Variants in DPP10 observed in about 807,000 individuals in gnomAD.
DPP10 encodes inactive dipeptidyl peptidase 10.
Under a neutral mutation model 120.9 loss-of-function variants are expected in DPP10, and 33 were observed. That is an observed-to-expected ratio of 0.27 (90% CI 0.21 to 0.37). DPP10 has a LOEUF of 0.37. DPP10 is among the 10% of genes least tolerant of loss of function. The probability of loss-of-function intolerance (pLI) is 1.00; values close to 1 mark genes in which losing one functional copy is unlikely to be tolerated. For missense variants in DPP10, 816 were observed against 942.8 expected, an observed-to-expected ratio of 0.87 and a Z score of 1.76; for synonymous variants, 337 against 326.1, an observed-to-expected ratio of 1.03 and a Z score of -0.36.
intron 1 of DPP10, among the ~76,000 whole-genome samples, chr2:114,563,295 C>T (rs1478330924): frequency 6.6e-6 from 1 of 151,770 alleles, no homozygotes; most frequent in African/African-American, 2.4e-5. Flanking sequence ...TCACTTGAAC[C>T]TGGGAGGCAG....
chr2:114,907,366 C>G (rs1694051331), intron 1 of DPP10, among the ~76,000 whole-genome samples: 1 of 151,650 alleles, frequency 6.6e-6, no homozygotes, highest in African/African-American at 2.4e-5. Context: ...TTCTCTTTTT[C>G]CTGTCTCTTA....
intron 1 of DPP10, among the ~76,000 whole-genome samples, chr2:115,012,749 T>C (rs1194666563): frequency 1.3e-5 from 2 of 152,072 alleles, no homozygotes; most frequent in Non-Finnish European, 1.5e-5. Context: ...TCTGGTAACA[T>C]GACAAAACAA....
intron 1 of DPP10, among the ~76,000 whole-genome samples, chr2:114,830,062 C>T (rs929710536): frequency 2.6e-5 from 4 of 152,256 alleles, no homozygotes; most frequent in Admixed American, 6.5e-5. Context: ...TGGCCGAAAA[C>T]GCCTCCCTCA....
intron 5 of DPP10, among the ~76,000 whole-genome samples, chr2:115,571,024 C>T (rs932318734): frequency 6.6e-6 from 1 of 152,194 alleles, no homozygotes; most frequent in Non-Finnish European, 1.5e-5. Context: ...CAGAGGCAGT[C>T]ACTTGCCTTG....
intron 5 of DPP10, among the ~76,000 whole-genome samples, chr2:115,592,929 T>G (rs2082760837): frequency 6.6e-6 from 1 of 152,200 alleles, no homozygotes; most frequent in Non-Finnish European, 1.5e-5. Context: ...GTGAAATAAA[T>G]ATATTTTTGG....
chr2:114,591,026 C>A (rs999424228), intron 1 of DPP10, among the ~76,000 whole-genome samples: 11 of 152,106 alleles, frequency 7.2e-5, no homozygotes, highest in African/African-American at 2.4e-4. Context: ...TGGGGAAAAT[C>A]AGGAAATAAA....
intron 1 of DPP10, among the ~76,000 whole-genome samples, chr2:114,800,129 T>C (rs1232650663): frequency 2.6e-5 from 4 of 152,194 alleles, no homozygotes; most frequent in Non-Finnish European, 5.9e-5. Flanking sequence ...CCACATGGTA[T>C]GTGGCTATAC....
intron 1 of DPP10, among the ~76,000 whole-genome samples, chr2:114,634,130 C>T (rs761939021): frequency 5.9e-5 from 9 of 151,756 alleles, no homozygotes; most frequent in South Asian, 4.1e-4. Context: ...TCTGCATGGT[C>T]TTATCAATTA....
chr2:115,115,078 C>T (rs912317217), intron 1 of DPP10, among the ~76,000 whole-genome samples: 1 of 151,744 alleles, frequency 6.6e-6, no homozygotes, highest in African/African-American at 2.4e-5. Context: ...TGTGTATGAC[C>T]GATATGTGTG....
At chr2:114,743,579 G>T (rs983338812) in intron 1 of DPP10, among the ~76,000 whole-genome samples, 1 of 152,156 alleles carries the variant, frequency 6.6e-6, no homozygotes, top group Admixed American at 6.5e-5. Context: ...CTGTAAAAGT[G>T]TATCAAGAGC....
intron 1 of DPP10, among the ~76,000 whole-genome samples, chr2:114,836,422 G>A (rs568682155): frequency 2.0e-5 from 3 of 152,070 alleles, no homozygotes; most frequent in South Asian, 2.1e-4. Flanking sequence ...ATCACATTTC[G>A]GGAGGTTCTG....
rs554326612 is a variant in DPP10, at chr2:114,741,784, T to A, written c.60+298946T>A. On this transcript the variant is annotated intron_variant, in intron 1 of 25. Transcript: ENST00000410059. ...ATGGAGGCAGATGCTGGAGTTACGCTGTCACAAGCCACGGGGTGCCCAGGA... is the reference window on the plus strand; with the variant it reads ...ATGGAGGCAGATGCTGGAGTTACGCAGTCACAAGCCACGGGGTGCCCAGGA... 2.0e-5 allele frequency among the ~76,000 whole-genome samples: 3 copies of A among 152,256 alleles called. No individual in the cohort carries two copies. The South Asian group carries it at 6.2e-4, about 32-fold the overall frequency.
chr2:115,034,265 C>G (rs1704065816), intron 1 of DPP10, among the ~76,000 whole-genome samples: 1 of 152,052 alleles, frequency 6.6e-6, no homozygotes, highest in Non-Finnish European at 1.5e-5. Flanking sequence ...TATGTCAGTT[C>G]ATTTATTTTT....
rs193204944 is a variant in DPP10 at position 114,774,691 on chromosome 2, T to A, written c.60+331853T>A. ...TATATATATATATATACTCTATAGT[T>A]ACACTGGGATGAGCATTAATGGATT... On this transcript the variant is annotated intron_variant, in intron 1 of 25. Transcript: ENST00000410059. Among the ~76,000 whole-genome samples, 16 of 150,886 alleles carry A rather than the reference T, an allele frequency of 1.1e-4. No homozygotes were observed. The East Asian group carries it at 1.6e-3, about 15-fold the overall frequency.
intron 2 of DPP10, among the ~76,000 whole-genome samples, chr2:115,331,367 A>C (rs898739863): frequency 2.0e-5 from 3 of 152,216 alleles, no homozygotes; most frequent in African/African-American, 7.2e-5. Flanking sequence ...GTCATCTGCA[A>C]ACAAGGACAA....
intron 7 of DPP10, among the ~76,000 whole-genome samples, chr2:115,715,124 G>A (rs2092448704): frequency 6.6e-6 from 1 of 151,328 alleles, no homozygotes; most frequent in South Asian, 2.1e-4. Context: ...CGGATCACCT[G>A]AGGTCAGGAG....
intron 1 of DPP10, among the ~76,000 whole-genome samples, chr2:114,863,894 G>C (rs544570109): frequency 2.6e-5 from 4 of 152,298 alleles, no homozygotes; most frequent in African/African-American, 7.2e-5. Context: ...GCTTGGGACA[G>C]GGCCTGAAAG....
intron 1 of DPP10, among the ~76,000 whole-genome samples, chr2:115,268,904 C>T (rs188298545): frequency 0.015 from 1,210 of 82,816 alleles, 13 homozygotes; most frequent in African/African-American, 0.04. Flanking sequence ...AATCCCAGCA[C>T]TTTAGGAGGC....
At chr2:115,762,277 A>C (rs2149790802) in intron 11 of DPP10, among the ~76,000 whole-genome samples, 1 of 152,324 alleles carries the variant, frequency 6.6e-6, no homozygotes, top group South Asian at 2.1e-4. Flanking sequence ...GGTTCAAAAC[A>C]GTTGAATGAG....
Sources: allele counts gnomAD v4.1 joint callset (sites outside exome capture counted in the v4.1 genomes callset), GRCh38; gene constraint gnomAD v4.1.1; transcripts MANE v1.5; gene names NCBI Gene and HGNC (gene_info 2026-07-23, HGNC 2026-07-21).